The following KIAA1210 variants were observed in gnomAD, a reference collection of about 807,000 sequenced individuals.
KIAA1210 encodes KIAA1210, also known as acrosomal protein KIAA1210.
KIAA1210 carries 48 observed loss-of-function variants against 78.9 expected under a neutral mutation model. The observed-to-expected ratio is 0.61, with a 90% CI of 0.48 to 0.77. The LOEUF is 0.77. KIAA1210 is among the 30% of genes least tolerant of loss of function. KIAA1210 has a pLI of 0.00. For synonymous variants in KIAA1210, 406 were observed against 404.5 expected (o/e 1.00, Z -0.04); for missense variants, 1,108 against 1,100.0 (o/e 1.01, Z -0.10).
Position 119,085,564 on chromosome X carries a change from G to A in KIAA1210, c.4157-18C>T, listed in dbSNP as rs753938992. The A allele has an allele frequency of 8.3e-7, 1 of 1,202,153 alleles. No individual in the cohort carries two copies. The highest frequency in any genetic ancestry group is 2.2e-5 in the Admixed American group (1 of 45,498). On this transcript the variant is annotated intron_variant, in intron 9 of 11. Transcript: ENST00000691062. ...AGGCTTTCCTGAGAAAGAAATGAAA[G>A]GAGTTAGAACTGAAGCAAGGCAGGC...
At chrX:119,110,472 G>A (rs143567786) in intron 3 of KIAA1210, among the ~76,000 whole-genome samples, 10 of 111,131 alleles carry the variant, frequency 9.0e-5, no homozygotes, top group East Asian at 2.8e-4. Context: ...ATTATAGACC[G>A]GGAAATTAGG....
At position 119,088,288 on chromosome X, in the gene KIAA1210, A is replaced by C; in HGVS notation, c.2414T>G (p.Leu805Arg). 8.3e-7 allele frequency: 1 copy of C among 1,211,645 alleles called. No individual in the cohort carries two copies. Among genetic ancestry groups the C allele is most frequent in the Non-Finnish European group, 1.1e-6 (1 of 895,353 alleles). ...GGGCTGGCAAAGAAGTTTAGGAGGC[A>C]GAGGCTTCATAGAAATGCTCTCTTC... Reference protein sequence around the residue: ...AVEESISMKPLPPKLLCQPLM... With the variant: ...AVEESISMKPRPPKLLCQPLM... Residue 805 changes from leucine to arginine, a missense_variant, in exon 9 of 12, where the codon CTG becomes CGG. Leu to Arg is a moderately radical substitution (Grantham distance 102). Transcript: ENST00000691062.
At chrX:119,121,767 A>AT (rs1556002637) in intron 2 of KIAA1210, among the ~76,000 whole-genome samples, 1 of 107,297 alleles carries the variant, frequency 9.3e-6, no homozygotes, top group Non-Finnish European at 1.9e-5. Flanking sequence ...TTTAGTTTTT[A>AT]TTTATTATTT....
At chrX:119,142,774 CAAAAAAAAAA>C (rs11439597) in intron 2 of KIAA1210, among the ~76,000 whole-genome samples, 2 of 38,800 alleles carry the variant, frequency 5.2e-5, no homozygotes, top group Admixed American at 4.6e-4. Flanking sequence ...GACTCCATCT[CAAAAAAAAAA>C]AAAAAAAAAA....
Position 119,088,737 on chromosome X carries a change from C to T in KIAA1210, c.1965G>A (p.Glu655=). The T allele has an allele frequency of 8.3e-7, 1 of 1,210,877 alleles. No individual in the cohort carries two copies. The highest frequency in any genetic ancestry group is 1.8e-5 in the South Asian group (1 of 56,686). Residue 655 remains glutamate (E), a synonymous_variant, in exon 9 of 12, where the codon GAG becomes GAA. Transcript: ENST00000691062. Reference sequence around the variant, plus strand: ...CCTGGGAGAGGCATCTGAGGTCCAGCTCCTCCTCAGAGCTGCTCAAGTCCT... The same window carrying T: ...CCTGGGAGAGGCATCTGAGGTCCAGTTCCTCCTCAGAGCTGCTCAAGTCCT... ...FVEDLSSSEE[E]LDLRCLSQAL...
intron 2 of KIAA1210, among the ~76,000 whole-genome samples, chrX:119,143,445 C>T (rs1206599414): frequency 3.6e-5 from 4 of 112,286 alleles, no homozygotes; most frequent in Non-Finnish European, 7.5e-5. Flanking sequence ...TTCTTTGAGG[C>T]AAGTATCAAG....
intron 6 of KIAA1210, among the ~76,000 whole-genome samples, chrX:119,101,259 A>G (rs2147179304): frequency 8.9e-6 from 1 of 112,027 alleles, no homozygotes; most frequent in East Asian, 2.8e-4. Context: ...CCTTTTGAGC[A>G]GGGATAGAGA....
At chrX:119,109,739 T>G (rs902941245) in intron 3 of KIAA1210, among the ~76,000 whole-genome samples, 19 of 111,651 alleles carry the variant, frequency 1.7e-4, no homozygotes, top group African/African-American at 6.2e-4. Flanking sequence ...GTTTTTGTTT[T>G]GATTTAAAAA....
At position 119,079,903 on chromosome X, in the gene KIAA1210, T is replaced by G. The variant is rs1370618090; in HGVS notation, c.*1426A>C. Reference sequence around the variant, plus strand: ...TCTCTGTGGCTTTGGGATTGCACTCTTGCTTTGGGCTAAAACCTTGTGAAG... The same window carrying G: ...TCTCTGTGGCTTTGGGATTGCACTCGTGCTTTGGGCTAAAACCTTGTGAAG... On this transcript the variant is annotated 3_prime_UTR_variant, in exon 12 of 12. Transcript: ENST00000691062. 8.9e-6 allele frequency: 1 copy of G among 111,809 alleles called. No homozygotes were observed. 9.2% of individuals were successfully genotyped at this position (111,809 alleles called of 1,213,427 possible).
At chrX:119,148,306 G>A (rs1929215835) in intron 1 of KIAA1210, among the ~76,000 whole-genome samples, 1 of 111,624 alleles carries the variant, frequency 9.0e-6, no homozygotes, top group Admixed American at 9.5e-5. Context: ...GCTCTGTGCT[G>A]GGAGTCAGGG....
chrX:119,150,321 T>C, exon 1 of KIAA1210: 1 of 1,207,475 alleles, frequency 8.3e-7, no homozygotes, highest in Non-Finnish European at 1.1e-6. Flanking sequence ...AATCGCGGTG[T>C]GCAGGGCAGG....
intron 2 of KIAA1210, among the ~76,000 whole-genome samples, chrX:119,138,918 G>A (rs1051884918): frequency 5.4e-5 from 6 of 112,040 alleles, no homozygotes; most frequent in African/African-American, 1.6e-4. Context: ...ACACTGCCCC[G>A]TTGTCCACTT....
intron 4 of KIAA1210, 32 bp from the exon 5 acceptor site, chrX:119,108,503 A>T (rs1927963098): frequency 8.4e-7 from 1 of 1,191,310 alleles, no homozygotes; most frequent in South Asian, 1.9e-5. Flanking sequence ...AAACTTGAGG[A>T]TTGGTATGCC....
chrX:119,148,224 C>A lies in KIAA1210; in HGVS notation c.290-631G>T, dbSNP rs1304444130. On this transcript the variant is annotated intron_variant, in intron 1 of 13. Coordinates refer to the KIAA1210 transcript ENST00000402510. ...CCTCTGCAGCAGTCCCAGAGAGAGG[C>A]CACAGTATCCCACAATGTATGCTTT... Among the ~76,000 whole-genome samples, 3 of 111,652 alleles carry A rather than the reference C, an allele frequency of 2.7e-5. No individual in the cohort carries two copies. In the Admixed American group the frequency reaches 2.9e-4, roughly 11 times the overall value.
intron 11 of KIAA1210, among the ~76,000 whole-genome samples, chrX:119,081,768 C>A (rs1374509631): frequency 1.8e-5 from 2 of 112,107 alleles, no homozygotes; most frequent in Non-Finnish European, 3.8e-5. Flanking sequence ...GGAGGTAATA[C>A]CTATGGCTGT....
chrX:119,118,347 G>A (rs1218993433), intron 2 of KIAA1210, among the ~76,000 whole-genome samples: 2 of 112,178 alleles, frequency 1.8e-5, no homozygotes, highest in Non-Finnish European at 3.8e-5. Flanking sequence ...AGTGTGTTCA[G>A]AGGGATGCTC....
Position 119,105,099 on chromosome X carries a change from G to T in KIAA1210, c.541C>A (p.Gln181Lys). ...RRLSIIPPVI[Q>K]PEIISKNLVE... ...AAGTTCTTAGAAATTATTTCAGGTT[G>T]GATAACAGGTGGGATGATGCTGAGT... is the stretch of plus-strand genomic sequence containing the variant. The change falls in exon 6 of 12, where the codon CAA (glutamine) becomes AAA (lysine). Residue 181 changes from glutamine to lysine, a missense_variant. By Grantham distance (53) the Gln-to-Lys change is moderately conservative. Coordinates refer to ENST00000691062, the MANE Select transcript of KIAA1210 (RefSeq NM_001394962.1). 1 of 1,210,200 alleles carries T rather than the reference G, an allele frequency of 8.3e-7. No homozygotes were observed. Among genetic ancestry groups the T allele is most frequent in the South Asian group, 1.8e-5 (1 of 56,711 alleles).
chrX:119,094,082 T>C (rs1312973948), intron 7 of KIAA1210: 2 of 1,197,079 alleles, frequency 1.7e-6, no homozygotes, highest in Admixed American at 4.4e-5. Context: ...TGAACCACAC[T>C]GGAAGGCCAC....
At chrX:119,098,847 T>C (rs1569315657) in intron 6 of KIAA1210, among the ~76,000 whole-genome samples, 1 of 111,906 alleles carries the variant, frequency 8.9e-6, no homozygotes, top group South Asian at 3.8e-4. Context: ...GTATTGGGGA[T>C]ACAGTACCTC....
Sources: allele counts gnomAD v4.1 joint callset (sites outside exome capture counted in the v4.1 genomes callset), GRCh38; gene constraint gnomAD v4.1.1; transcripts MANE v1.5; gene names NCBI Gene and HGNC (gene_info 2026-07-23, HGNC 2026-07-21).